Variants in AK7 observed in about 807,000 individuals in gnomAD.
AK7 encodes the protein adenylate kinase 7, also known as ATP-AMP transphosphorylase 7.
Under a neutral mutation model 96.6 loss-of-function variants are expected in AK7, and 78 were observed. The ratio of observed to expected loss-of-function variants is 0.81; its 90% confidence interval spans 0.67 to 0.97. AK7 has a LOEUF of 0.97. Ranked by LOEUF, AK7 falls within the 50% of genes least tolerant of loss-of-function variation. AK7 has a pLI of 0.00. For missense variants in AK7, 855 were observed against 887.9 expected (o/e 0.96, Z 0.47); for synonymous variants, 302 against 317.2 (o/e 0.95, Z 0.51).
chr14:96,411,701 T>C (rs1265422318), intron 4 of AK7, among the ~76,000 whole-genome samples: 1 of 152,040 alleles, frequency 6.6e-6, no homozygotes, highest in Non-Finnish European at 1.5e-5. Flanking sequence ...CAGTGGGGGG[T>C]ATAGATACAA....
chr14:96,454,439 G>C (rs1893775441), intron 10 of AK7, among the ~76,000 whole-genome samples: 1 of 151,572 alleles, frequency 6.6e-6, no homozygotes, highest in East Asian at 1.9e-4. Context: ...AGGAGAAATG[G>C]TGTTTTTTTT....
chr14:96,443,089 G>GA (rs1893046535), intron 7 of AK7, among the ~76,000 whole-genome samples: 1 of 152,136 alleles, frequency 6.6e-6, no homozygotes, highest in Admixed American at 6.5e-5. Flanking sequence ...TCCAATTTTG[G>GA]AAAAGAAAGA....
Position 96,398,108 on chromosome 14 carries a change from G to T in AK7, c.139G>T (p.Glu47Ter). The change falls in exon 2 of 18, where the codon GAA becomes TAA. Residue 47 changes from glutamate (E) to a stop codon, truncating the protein, a stop_gained. Transcript: ENST00000267584. LOFTEE classifies it high-confidence loss of function. ...TAACTGTGTAGTTGGGGCTTCGCTT[G>T]AAGAAATTACAGAGGAAGAGGAAGA... ...LSNCVVGASL[E>*]EITEEEEEED... The T allele has an allele frequency of 6.2e-7, 1 of 1,614,128 alleles. No individual in the cohort carries two copies. Among genetic ancestry groups the T allele is most frequent in the South Asian group, 1.1e-5 (1 of 91,084 alleles).
chr14:96,410,865 C>T (rs1566765123), intron 4 of AK7, among the ~76,000 whole-genome samples: 1 of 151,958 alleles, frequency 6.6e-6, no homozygotes, highest in Non-Finnish European at 1.5e-5. Context: ...TAACCAGGTG[C>T]GGTGGCAAAC....
chr14:96,485,684 A>G (rs1895725756), intron 16 of AK7, among the ~76,000 whole-genome samples: 1 of 152,134 alleles, frequency 6.6e-6, no homozygotes, highest in Admixed American at 6.6e-5. Flanking sequence ...TGACCACACA[A>G]AAGTTTCATG....
intron 5 of AK7, among the ~76,000 whole-genome samples, chr14:96,434,742 G>A (rs937664531): frequency 1.3e-5 from 2 of 151,988 alleles, no homozygotes; most frequent in Non-Finnish European, 2.9e-5. Context: ...GGACTAGAGT[G>A]ATAAACCTTA....
rs147315838 is a variant in AK7 at position 96,424,602 on chromosome 14, G to A, written c.609+3670G>A. On this transcript the variant is annotated intron_variant, in intron 5 of 17. Coordinates refer to ENST00000267584, the MANE Select transcript of AK7 (RefSeq NM_152327.5). ...TCTAAGATGACACCTAGTGGTCTCGGAGGATATTACCATAGGAACTTCGGT... is the reference window on the plus strand; with the variant it reads ...TCTAAGATGACACCTAGTGGTCTCGAAGGATATTACCATAGGAACTTCGGT... Among the ~76,000 whole-genome samples, 790 of 152,238 alleles carry A rather than the reference G, an allele frequency of 5.2e-3. 4 individuals are homozygous for A. The highest frequency in any genetic ancestry group is 8.4e-3 in the Non-Finnish European group (573 of 68,012).
At chr14:96,460,768 T>C (rs1302655728) in intron 12 of AK7, among the ~76,000 whole-genome samples, 1 of 152,178 alleles carries the variant, frequency 6.6e-6, no homozygotes, top group Non-Finnish European at 1.5e-5. Context: ...CCGGGGCTAT[T>C]TGCCATTGGC....
intron 14 of AK7, among the ~76,000 whole-genome samples, chr14:96,477,325 T>A (rs556445876): frequency 3.3e-5 from 5 of 152,204 alleles, no homozygotes; most frequent in Non-Finnish European, 7.3e-5. Flanking sequence ...CTTACCTTTT[T>A]CACCCACTCA....
chr14:96,475,667 G>GC (rs1259649542), intron 14 of AK7, among the ~76,000 whole-genome samples: 1 of 152,058 alleles, frequency 6.6e-6, no homozygotes, highest in Non-Finnish European at 1.5e-5. Context: ...GATCTGTAAG[G>GC]CCCCCCTGAA....
At chr14:96,446,918 C>T (rs577905245) in intron 8 of AK7, among the ~76,000 whole-genome samples, 14 of 151,832 alleles carry the variant, frequency 9.2e-5, no homozygotes, top group East Asian at 3.9e-4. Flanking sequence ...CCAGCCTGGG[C>T]GGCTGAACAA....
rs1479127115 is a variant in AK7 at position 96,486,977 on chromosome 14, T to A, written c.2054T>A (p.Met685Lys). The A allele has an allele frequency of 5.0e-6, 8 of 1,614,020 alleles. No individual in the cohort carries two copies. Among genetic ancestry groups the A allele is most frequent in the Non-Finnish European group, 6.8e-6 (8 of 1,179,990 alleles). Reference protein sequence around the residue: ...AQSIPLRNYLMTYVMPTLIQG... With the variant: ...AQSIPLRNYLKTYVMPTLIQG... ...TCAATTCCCCTGAGAAACTATTTAATGACCTATGTGATGCCAACTCTTATT... is the reference window on the plus strand; with the variant it reads ...TCAATTCCCCTGAGAAACTATTTAAAGACCTATGTGATGCCAACTCTTATT... Residue 685 changes from methionine (M) to lysine (K), a missense_variant, in exon 17 of 18, where the codon ATG becomes AAG. By Grantham distance (95) the Met-to-Lys change is moderately conservative (BLOSUM62 -1). Transcript: ENST00000267584.
intron 8 of AK7, among the ~76,000 whole-genome samples, 168 bp from the exon 9 acceptor site, chr14:96,449,634 A>T (rs1893466683): frequency 6.6e-6 from 1 of 152,164 alleles, no homozygotes; most frequent in Admixed American, 6.5e-5. Context: ...GGGTTTCACC[A>T]TGTCAGCCAG....
At chr14:96,453,506 G>GC (rs1211364877) in intron 10 of AK7, among the ~76,000 whole-genome samples, 5 of 152,216 alleles carry the variant, frequency 3.3e-5, no homozygotes, top group Non-Finnish European at 7.3e-5. Context: ...GGAGTCTCAA[G>GC]CCATGCACTT....
chr14:96,459,867 A>G (rs1595442919), intron 12 of AK7, among the ~76,000 whole-genome samples: 2 of 151,630 alleles, frequency 1.3e-5, no homozygotes, highest in East Asian at 3.9e-4. Flanking sequence ...ACAGAGAAAG[A>G]CTCCCTCTCA....
chr14:96,440,365 A>G (rs1312250936), intron 6 of AK7, among the ~76,000 whole-genome samples: 5 of 152,010 alleles, frequency 3.3e-5, no homozygotes, highest in African/African-American at 1.2e-4. Context: ...GCTACTTCTC[A>G]CCTACCTGCT....
At chr14:96,462,101 C>T (rs544974163) in intron 12 of AK7, among the ~76,000 whole-genome samples, 3 of 152,200 alleles carry the variant, frequency 2.0e-5, no homozygotes, top group African/African-American at 7.2e-5. Context: ...CTCTGTTCTT[C>T]CCCCAGGTGT....
At chr14:96,473,207 G>A in intron 14 of AK7, among the ~76,000 whole-genome samples, 1 of 139,054 alleles carries the variant, frequency 7.2e-6, no homozygotes, top group African/African-American at 2.7e-5. Flanking sequence ...GTCTTGCCCT[G>A]TTGCCCAGGC....
intron 5 of AK7, among the ~76,000 whole-genome samples, chr14:96,435,654 T>C (rs1280842592): frequency 6.6e-6 from 1 of 152,074 alleles, no homozygotes; most frequent in East Asian, 1.9e-4. Flanking sequence ...TCAAGTTTGC[T>C]TGGAGACACA....
Sources: allele counts gnomAD v4.1 joint callset (sites outside exome capture counted in the v4.1 genomes callset), GRCh38; gene constraint gnomAD v4.1.1; transcripts MANE v1.5; gene names NCBI Gene and HGNC (gene_info 2026-07-23, HGNC 2026-07-21).